Variants in SUPT20H observed in about 807,000 individuals in gnomAD.
SUPT20H encodes transcription factor SPT20 homolog.
In SUPT20H, 82 loss-of-function variants were observed where a neutral mutation model predicts 122.8. That is an observed-to-expected ratio of 0.67 (90% CI 0.56 to 0.80). The LOEUF is 0.80. Among genes scored for constraint, SUPT20H ranks in the 30% least tolerant of loss-of-function variants. SUPT20H has a pLI of 0.00. For missense variants in SUPT20H, 831 were observed against 921.6 expected (o/e 0.90, Z 1.27); for synonymous variants, 291 against 313.0 (o/e 0.93, Z 0.74).
intron 24 of SUPT20H, among the ~76,000 whole-genome samples, chr13:37,011,730 C>CT (rs921931690): frequency 1.1e-4 from 16 of 151,076 alleles, no homozygotes; most frequent in East Asian, 3.9e-4. Context: ...GTAATTTAAT[C>CT]TTTTTTTTTA....
chr13:37,040,985 C>T (rs2065360098), intron 7 of SUPT20H, among the ~76,000 whole-genome samples: 1 of 152,156 alleles, frequency 6.6e-6, no homozygotes, highest in African/African-American at 2.4e-5. Context: ...CATTTACATA[C>T]TATTATGTTA....
At chr13:37,033,409 A>T (rs781760095) in intron 10 of SUPT20H, 40 bp downstream of exon 10, 1 of 1,597,704 alleles carries the variant, frequency 6.3e-7, no homozygotes, top group Admixed American at 1.7e-5. Flanking sequence ...ATTTATAGCT[A>T]CTTGTGTCTT....
chr13:37,054,354 A>T, intron 1 of SUPT20H, among the ~76,000 whole-genome samples: 1 of 152,236 alleles, frequency 6.6e-6, no homozygotes, highest in Non-Finnish European at 1.5e-5. Context: ...ATGAACATCG[A>T]TGCAAAAATC....
chr13:37,034,489 A>G (rs1239764694), intron 9 of SUPT20H, among the ~76,000 whole-genome samples: 1 of 152,206 alleles, frequency 6.6e-6, no homozygotes, highest in African/African-American at 2.4e-5. Context: ...TTTCAATTCT[A>G]TGATGTGAGA....
chr13:37,030,289 T>C lies in SUPT20H; in HGVS notation c.922-453A>G, dbSNP rs573196690. On this transcript the variant is annotated intron_variant, in intron 12 of 25. Transcript: ENST00000350612. ...AGGTAAAATATTAAAGCTGATCAAA[T>C]TTTTTGAACGTTTTCCACTTTCTAG... Among the ~76,000 whole-genome samples, 115 of 152,322 alleles carry C rather than the reference T, an allele frequency of 7.5e-4. 2 individuals carry two copies. Among genetic ancestry groups the C allele is most frequent in the African/African-American group, 2.6e-3 (109 of 41,566 alleles).
chr13:37,031,450 ATCTAAATCACT>A lies in SUPT20H; in HGVS notation c.921+106_921+116del, dbSNP rs1278688075. 6 of 583,748 alleles carry A rather than the reference ATCTAAATCACT, an allele frequency of 1.0e-5. No individual in the cohort carries two copies. The African/African-American group carries it at 1.2e-4, about 11-fold the overall frequency. 36.2% of individuals were successfully genotyped at this position (583,748 alleles called of 1,614,324 possible). ...TTTTAAAAAACTTGTTTAGAGTATGATCTAAATCACTTTGTTTTTAAAGTAAGTTTTTTTTT... is the reference window on the plus strand; with the variant it reads ...TTTTAAAAAACTTGTTTAGAGTATGATTGTTTTTAAAGTAAGTTTTTTTTT... On this transcript the variant is annotated intron_variant, in intron 12 of 25. Transcript: ENST00000350612.
intron 6 of SUPT20H, among the ~76,000 whole-genome samples, 171 bp from the exon 7 acceptor site, chr13:37,044,352 CCTT>C (rs1184111642): frequency 6.6e-6 from 1 of 151,842 alleles, no homozygotes; most frequent in Non-Finnish European, 1.5e-5. Flanking sequence ...CTCCTAATGT[CCTT>C]CTTAAGGGGG....
rs916358328 is a variant in SUPT20H, at chr13:37,009,470, A to G, written c.*202T>C. The stretch of plus-strand genomic sequence containing the variant: ...ATAGTGAAACCATTTTTAAAAAGCA[A>G]TGACTTAGGCAAACCAACCCTAGTT... On this transcript the variant is annotated 3_prime_UTR_variant, in exon 26 of 26. Coordinates refer to ENST00000350612, the MANE Select transcript of SUPT20H (RefSeq NM_001014286.3). The G allele has an allele frequency of 9.0e-6, 7 of 780,474 alleles. No homozygotes were observed. Among genetic ancestry groups the G allele is most frequent in the South Asian group, 5.6e-5 (3 of 53,782 alleles). The allele number at this position is 780,474 out of a possible 1,614,324, so 48.3% of individuals were successfully genotyped here.
Position 37,040,762 on chromosome 13 carries a change from C to T in SUPT20H, c.397-70G>A, listed in dbSNP as rs1052692113. 26 of 1,156,688 alleles carry T rather than the reference C, an allele frequency of 2.2e-5. No individual in the cohort carries two copies. The African/African-American group carries it at 3.5e-4, about 16-fold the overall frequency. The allele number at this position is 1,156,688 out of a possible 1,614,324, so 71.7% of individuals were successfully genotyped here. ...CCTAAATAAGTGGGTTTATATCAAA[C>T]ATTTCGCATTCTTTACATTCATGCA... On this transcript the variant is annotated intron_variant, in intron 7 of 25. Transcript: ENST00000350612.
Position 37,021,532 on chromosome 13 carries a change from C to G in SUPT20H, c.1732G>C (p.Gly578Arg). The G allele has an allele frequency of 6.2e-7, 1 of 1,613,748 alleles. No individual in the cohort carries two copies. Among genetic ancestry groups the G allele is most frequent in the Non-Finnish European group, 8.5e-7 (1 of 1,179,920 alleles). Residue 578 changes from glycine (G) to arginine (R), a missense_variant, in exon 21 of 26, where the codon GGA (glycine) becomes CGA (arginine). Transcript: ENST00000350612. Reference sequence around the variant, plus strand: ...GGTAGAAGGCCGCTCAGGTTTATTCCTGCAGGAGTTATGGCACCAGTGTTA... The same window carrying G: ...GGTAGAAGGCCGCTCAGGTTTATTCGTGCAGGAGTTATGGCACCAGTGTTA... ...GCNTGAITPAGINLSGLLPSG... is the reference protein window; with the variant it reads ...GCNTGAITPARINLSGLLPSG...
intron 23 of SUPT20H, chr13:37,013,187 A>G (rs1432355642): frequency 6.6e-6 from 1 of 152,098 alleles, no homozygotes; most frequent in Non-Finnish European, 1.5e-5. Flanking sequence ...ATGGGAGAAA[A>G]CACTGCCCAA....
At position 37,028,299 on chromosome 13, in the gene SUPT20H, T is replaced by C. The variant is rs1166168217; in HGVS notation, c.1000A>G (p.Lys334Glu). ...QPTVWPAHDV[K>E]DDYVFECEAG... ...TCACATTCAAATACATAATCATCTT[T>C]TACATCCTGAAAAATGCATAGCACC... is the stretch of plus-strand genomic sequence containing the variant. The change falls in exon 14 of 26, where the codon AAA (lysine) becomes GAA (glutamate). Residue 334 changes from lysine to glutamate, a missense_variant. By Grantham distance (56) the Lys-to-Glu change is moderately conservative (BLOSUM62 1). Transcript: ENST00000350612. 1 of 1,605,620 alleles carries C rather than the reference T, an allele frequency of 6.2e-7. No individual in the cohort carries two copies. Among genetic ancestry groups the C allele is most frequent in the Non-Finnish European group, 8.5e-7 (1 of 1,177,398 alleles).
At chr13:37,037,101 G>A (rs1022104691) in intron 9 of SUPT20H, among the ~76,000 whole-genome samples, 4 of 151,864 alleles carry the variant, frequency 2.6e-5, no homozygotes, top group African/African-American at 9.7e-5. Context: ...GGAGGCCGAG[G>A]TGGGAGGATC....
At chr13:37,055,261 A>T (rs1206753724) in intron 1 of SUPT20H, among the ~76,000 whole-genome samples, 1 of 152,048 alleles carries the variant, frequency 6.6e-6, no homozygotes, top group Non-Finnish European at 1.5e-5. Flanking sequence ...GAATTGGAAA[A>T]AACTACTTTA....
chr13:37,058,491 TTTC>T lies in SUPT20H; in HGVS notation c.-94+1065_-94+1067del, dbSNP rs529343418. On this transcript the variant is annotated intron_variant, in intron 1 of 25. Transcript: ENST00000350612. ...CGGACAAAATGTGATGACTTTAAGA[TTTC>T]TTGTCACTAAATTGGGGATGGGGGC... Among the ~76,000 whole-genome samples the T allele has an allele frequency of 7.2e-5, 11 of 152,316 alleles. No individual in the cohort carries two copies. The South Asian group carries it at 2.1e-3, about 29-fold the overall frequency.
At chr13:37,014,567 T>C (rs554527706) in intron 23 of SUPT20H, among the ~76,000 whole-genome samples, 97 of 152,114 alleles carry the variant, frequency 6.4e-4, no homozygotes, top group Non-Finnish European at 1.3e-3. Context: ...TGCAGAAAGA[T>C]ATTTGGAAAA....
chr13:37,029,853 A>G lies in SUPT20H; in HGVS notation c.922-17T>C. 1 of 1,567,086 alleles carries G rather than the reference A, an allele frequency of 6.4e-7. No individual in the cohort carries two copies. Among genetic ancestry groups the G allele is most frequent in the Non-Finnish European group, 8.7e-7 (1 of 1,152,734 alleles). ...TTTCTCCACCTAAACAATCAAATCAAGAAATACCACATAAAATAGAATCCA... is the reference window on the plus strand; with the variant it reads ...TTTCTCCACCTAAACAATCAAATCAGGAAATACCACATAAAATAGAATCCA... On this transcript the variant is annotated splice_polypyrimidine_tract_variant and intron_variant, in intron 12 of 25. Transcript: ENST00000350612.
At chr13:37,023,973 C>A in intron 19 of SUPT20H, 62 bp downstream of exon 19, 1 of 1,526,594 alleles carries the variant, frequency 6.6e-7, no homozygotes. Flanking sequence ...AAAAAGCTGT[C>A]TTAAGAAACA....
In SUPT20H at chr13:37,029,805, A is replaced by G. The variant is rs1350246303; in HGVS notation, c.953T>C (p.Ile318Thr). ...TGTTGGCTGTGAGTCATCAGATTTGATAGACTTTTCCACTTTAGCATATTT... is the reference window on the plus strand; with the variant it reads ...TGTTGGCTGTGAGTCATCAGATTTGGTAGACTTTTCCACTTTAGCATATTT... The part of the protein sequence containing the change: ...VEKYAKVEKS[I>T]KSDDSQPTVW... The change falls in exon 13 of 26, where the codon ATC becomes ACC. Residue 318 changes from isoleucine (I) to threonine (T), a missense_variant. Ile to Thr is a moderately conservative substitution (Grantham distance 89, BLOSUM62 -1). Coordinates refer to ENST00000350612, the MANE Select transcript of SUPT20H (RefSeq NM_001014286.3). 1 of 1,603,038 alleles carries G rather than the reference A, an allele frequency of 6.2e-7. No individual in the cohort carries two copies. Among genetic ancestry groups the G allele is most frequent in the South Asian group, 1.1e-5 (1 of 88,964 alleles).
Sources: gnomAD v4.1 joint callset for allele counts (sites outside exome capture counted in the v4.1 genomes callset) on GRCh38, gnomAD v4.1.1 for gene constraint, MANE v1.5 for transcripts, NCBI Gene and HGNC (gene_info 2026-07-23, HGNC 2026-07-21) for gene names.